The following GPC6 variants were observed in gnomAD, a reference collection of about 807,000 sequenced individuals.
GPC6 encodes glypican-6.
Under a neutral mutation model 55.2 loss-of-function variants are expected in GPC6, and 14 were observed. The observed-to-expected ratio is 0.25, with a 90% CI of 0.17 to 0.40. GPC6 has a LOEUF of 0.40. GPC6 is among the 10% of genes least tolerant of loss of function. The probability of loss-of-function intolerance (pLI) is 1.00; values close to 1 mark genes in which losing one functional copy is unlikely to be tolerated. For missense variants in GPC6, 641 were observed against 708.5 expected (o/e 0.90, Z 1.08); for synonymous variants, 278 against 259.6 (o/e 1.07, Z -0.68).
chr13:93,329,985 G>A (rs894411457), intron 1 of GPC6, among the ~76,000 whole-genome samples: 2 of 152,124 alleles, frequency 1.3e-5, no homozygotes, highest in African/African-American at 4.8e-5. Context: ...TTCACAGGTG[G>A]ACGTTTTACA....
intron 1 of GPC6, among the ~76,000 whole-genome samples, chr13:93,333,050 A>T (rs1183869273): frequency 6.6e-6 from 1 of 152,100 alleles, no homozygotes; most frequent in East Asian, 1.9e-4. Flanking sequence ...ATTCTGTTCC[A>T]TTGATCTATG....
intron 2 of GPC6, among the ~76,000 whole-genome samples, chr13:93,780,725 A>G (rs1189768011): frequency 6.6e-6 from 1 of 152,180 alleles, no homozygotes; most frequent in African/African-American, 2.4e-5. Context: ...TCATAGAATG[A>G]TTCAACAATA....
At chr13:93,331,865 C>G (rs568650345) in intron 1 of GPC6, among the ~76,000 whole-genome samples, 100 of 152,132 alleles carry the variant, frequency 6.6e-4, no homozygotes, top group African/African-American at 2.3e-3. Flanking sequence ...TCACTTCTCC[C>G]CTCTACTCTC....
intron 3 of GPC6, among the ~76,000 whole-genome samples, chr13:93,872,115 C>T (rs1454827204): frequency 6.6e-6 from 1 of 151,838 alleles, no homozygotes; most frequent in Non-Finnish European, 1.5e-5. Context: ...ACATAAAAGC[C>T]TTTTTGAAAT....
chr13:93,802,404 CT>C (rs35117038), intron 2 of GPC6, among the ~76,000 whole-genome samples: 2,907 of 147,672 alleles, frequency 0.02, 76 homozygotes, highest in African/African-American at 0.061. Flanking sequence ...AAAAAAAGTA[CT>C]TTTTTTTTTT....
At chr13:93,602,382 T>A (rs1878053208) in intron 2 of GPC6, among the ~76,000 whole-genome samples, 1 of 152,230 alleles carries the variant, frequency 6.6e-6, no homozygotes, top group African/African-American at 2.4e-5. Context: ...TGAAGATGAC[T>A]GAATTGCAGT....
intron 1 of GPC6, among the ~76,000 whole-genome samples, chr13:93,229,953 G>T (rs1441012306): frequency 1.3e-5 from 2 of 152,014 alleles, no homozygotes; most frequent in Admixed American, 6.6e-5. Context: ...TAATCACTTA[G>T]GAAATATACC....
intron 1 of GPC6, among the ~76,000 whole-genome samples, chr13:93,326,575 T>C (rs1196267647): frequency 1.3e-5 from 2 of 152,198 alleles, no homozygotes; most frequent in Admixed American, 6.5e-5. Context: ...CAAGCACTTA[T>C]GATAAAATTG....
At chr13:93,958,770 T>G (rs1367648132) in intron 3 of GPC6, among the ~76,000 whole-genome samples, 1 of 152,230 alleles carries the variant, frequency 6.6e-6, no homozygotes, top group East Asian at 1.9e-4. Context: ...TAAATTGTTT[T>G]GGGCACTAAG....
intron 1 of GPC6, among the ~76,000 whole-genome samples, chr13:93,322,943 C>A (rs1429887965): frequency 6.6e-6 from 1 of 152,012 alleles, no homozygotes; most frequent in Non-Finnish European, 1.5e-5. Flanking sequence ...TCCCCTAGCC[C>A]CCCACACCCC....
intron 2 of GPC6, among the ~76,000 whole-genome samples, chr13:93,577,737 C>T (rs776250421): frequency 6.6e-6 from 1 of 151,940 alleles, no homozygotes; most frequent in Non-Finnish European, 1.5e-5. Context: ...GCCAGGACTT[C>T]CAATCTTATG....
chr13:93,640,804 CT>C, intron 2 of GPC6, among the ~76,000 whole-genome samples: 1 of 88,610 alleles, frequency 1.1e-5, no homozygotes, highest in African/African-American at 3.6e-5. Flanking sequence ...TCCTTCCTTC[CT>C]TCCTTCCTTC....
intron 1 of GPC6, among the ~76,000 whole-genome samples, chr13:93,473,984 C>T (rs933258275): frequency 4.6e-5 from 7 of 152,192 alleles, no homozygotes; most frequent in Admixed American, 3.9e-4. Flanking sequence ...TTCTTCAGTT[C>T]CCCCTGCTGC....
intron 1 of GPC6, among the ~76,000 whole-genome samples, chr13:93,480,714 T>C (rs1167691165): frequency 2.0e-5 from 3 of 152,226 alleles, no homozygotes; most frequent in Admixed American, 6.5e-5. Flanking sequence ...TATAGATTTG[T>C]ATATTTCTTT....
chr13:94,096,614 G>A (rs919823126), intron 4 of GPC6, among the ~76,000 whole-genome samples: 2 of 152,086 alleles, frequency 1.3e-5, no homozygotes, highest in East Asian at 3.8e-4. Context: ...AGAGCTCACG[G>A]TCCAGGTGAG....
chr13:93,264,679 T>C (rs2139044890), intron 1 of GPC6, among the ~76,000 whole-genome samples: 1 of 152,298 alleles, frequency 6.6e-6, no homozygotes, highest in South Asian at 2.1e-4. Context: ...ATTATAGGTA[T>C]GAGCCACCAC....
At chr13:94,294,453 A>C (rs1189198134) in intron 5 of GPC6, among the ~76,000 whole-genome samples, 3 of 151,622 alleles carry the variant, frequency 2.0e-5, no homozygotes, top group East Asian at 1.9e-4. Flanking sequence ...AAAAAAAAAA[A>C]AAACCCTAAG....
intron 2 of GPC6, among the ~76,000 whole-genome samples, chr13:93,548,906 T>C (rs893809636): frequency 6.6e-6 from 1 of 152,228 alleles, no homozygotes; most frequent in African/African-American, 2.4e-5. Flanking sequence ...GTCTATGTAA[T>C]AGAGGTTTCT....
intron 2 of GPC6, among the ~76,000 whole-genome samples, chr13:93,662,994 G>A (rs537282900): frequency 6.7e-5 from 10 of 149,966 alleles, no homozygotes; most frequent in East Asian, 2.0e-4. Context: ...CCAGGATTGC[G>A]AATCACTGTG....
Sources: allele counts gnomAD v4.1 joint callset (sites outside exome capture counted in the v4.1 genomes callset), GRCh38; gene constraint gnomAD v4.1.1; transcripts MANE v1.5; gene names NCBI Gene and HGNC (gene_info 2026-07-23, HGNC 2026-07-21).